Variants in TRDN observed in about 807,000 individuals in gnomAD.
TRDN encodes triadin, also known as triadin in skeletal muscle.
TRDN carries 161 observed loss-of-function variants against 149.7 expected under a neutral mutation model. The observed-to-expected ratio is 1.08, with a 90% CI of 0.95 to 1.23. The LOEUF (loss-of-function observed/expected upper bound fraction) is 1.23. Among genes scored for constraint, TRDN ranks in the 50% most tolerant of loss-of-function variants. TRDN has a pLI of 0.00. For missense variants in TRDN, 896 were observed against 823.5 expected, an observed-to-expected ratio of 1.09 and a Z score of -1.08; for synonymous variants, 294 against 250.5, an observed-to-expected ratio of 1.17 and a Z score of -1.64.
chr6:123,582,990 C>T (rs939688271), intron 1 of TRDN, among the ~76,000 whole-genome samples: 1 of 152,046 alleles, frequency 6.6e-6, no homozygotes, highest in Non-Finnish European at 1.5e-5. Context: ...GCCTGGATAA[C>T]AGTTTTGTAT....
chr6:123,542,846 G>A (rs1441822886), intron 4 of TRDN, among the ~76,000 whole-genome samples: 2 of 142,244 alleles, frequency 1.4e-5, no homozygotes, highest in African/African-American at 5.6e-5. Flanking sequence ...CTCTCTGAGT[G>A]TGTGCATGTT....
intron 9 of TRDN, among the ~76,000 whole-genome samples, chr6:123,496,387 CA>C (rs1778448349): frequency 1.3e-5 from 2 of 151,696 alleles, no homozygotes; most frequent in Admixed American, 1.3e-4. Flanking sequence ...AAGGCTTTCA[CA>C]AAAATAGTTA....
At chr6:123,350,461 T>G (rs1780420112) in intron 21 of TRDN, 1 of 557,426 alleles carries the variant, frequency 1.8e-6, no homozygotes, top group Non-Finnish European at 2.3e-6. Context: ...TTAACTATAT[T>G]TCAATGAATT....
intron 35 of TRDN, among the ~76,000 whole-genome samples, chr6:123,258,494 T>G (rs1385435404): frequency 6.6e-6 from 1 of 152,092 alleles, no homozygotes; most frequent in African/African-American, 2.4e-5. Flanking sequence ...CTGACTTGAT[T>G]GTGGTGGATA....
chr6:123,456,419 G>A (rs981499425), intron 10 of TRDN, among the ~76,000 whole-genome samples: 3 of 152,020 alleles, frequency 2.0e-5, no homozygotes, highest in Non-Finnish European at 4.4e-5. Flanking sequence ...TTTTATTCTA[G>A]TAAATTACAA....
At chr6:123,602,470 G>T (rs554489340) in intron 1 of TRDN, among the ~76,000 whole-genome samples, 7 of 152,094 alleles carry the variant, frequency 4.6e-5, no homozygotes, top group African/African-American at 1.4e-4. Context: ...ACTACATATT[G>T]GGTACAGTGT....
chr6:123,346,920 G>A (rs948062169), intron 21 of TRDN, among the ~76,000 whole-genome samples: 2 of 151,878 alleles, frequency 1.3e-5, no homozygotes, highest in African/African-American at 2.4e-5. Context: ...AGAAACACTG[G>A]CATTTGTGAT....
chr6:123,266,189 T>A (rs1776953671), intron 32 of TRDN, among the ~76,000 whole-genome samples: 2 of 85,456 alleles, frequency 2.3e-5, no homozygotes, highest in South Asian at 7.3e-4. Flanking sequence ...ATATATATTA[T>A]AATATGTATT....
intron 10 of TRDN, among the ~76,000 whole-genome samples, chr6:123,446,849 G>T (rs1583040812): frequency 6.6e-6 from 1 of 151,898 alleles, no homozygotes; most frequent in Admixed American, 6.5e-5. Flanking sequence ...ATTGGATTTT[G>T]TGATCAAATT....
In TRDN at chr6:123,403,802, C is replaced by A. The variant is rs116515375; in HGVS notation, c.1052-10125G>T. 7.3e-3 allele frequency among the ~76,000 whole-genome samples: 1,102 copies of A among 150,960 alleles called. 14 individuals carry two copies. The highest frequency in any genetic ancestry group is 0.025 in the African/African-American group (1,037 of 41,062). ...TTTTACTAAATAAAGAAAAGTTTTG[C>A]GAATCAAAATCAGAAATAAAAAAAT... On this transcript the variant is annotated intron_variant, in intron 12 of 40. Coordinates refer to ENST00000334268, the MANE Select transcript of TRDN (RefSeq NM_006073.4).
intron 10 of TRDN, among the ~76,000 whole-genome samples, chr6:123,458,550 C>T (rs1776265098): frequency 6.6e-6 from 1 of 152,182 alleles, no homozygotes; most frequent in Admixed American, 6.5e-5. Flanking sequence ...CCTGCATGCC[C>T]TGCAGATTTT....
rs115400580 is a variant in TRDN at position 123,635,002 on chromosome 6, C to A, written c.22+1752G>T. On this transcript the variant is annotated intron_variant, in intron 1 of 40. Coordinates refer to ENST00000334268, the MANE Select transcript of TRDN (RefSeq NM_006073.4). ...AATCAAGAATTTTCCTGTAAAAAGT[C>A]TTTTGAATCAAATGCAAGTTCTACA... is the stretch of plus-strand genomic sequence containing the variant. Among the ~76,000 whole-genome samples, 872 of 151,984 alleles carry A rather than the reference C, an allele frequency of 5.7e-3. 9 individuals carry two copies. Among genetic ancestry groups the A allele is most frequent in the African/African-American group, 0.018 (729 of 41,490 alleles).
intron 21 of TRDN, among the ~76,000 whole-genome samples, chr6:123,339,382 A>G (rs1489331933): frequency 1.3e-5 from 2 of 152,248 alleles, no homozygotes; most frequent in South Asian, 2.1e-4. Context: ...GGCTTACAGT[A>G]GGATAATTTT....
In TRDN at chr6:123,613,040, AATTAG is replaced by A. The variant is rs577002792; in HGVS notation, c.22+23709_22+23713del. ...AAATCAATAACTGAATACAGCATAAAATTAGATGTATCAAATAACAAGGAAAAGTA... is the reference window on the plus strand; with the variant it reads ...AAATCAATAACTGAATACAGCATAAAATGTATCAAATAACAAGGAAAAGTA... On this transcript the variant is annotated intron_variant, in intron 1 of 40. Transcript: ENST00000334268. Among the ~76,000 whole-genome samples, 17 of 152,276 alleles carry A rather than the reference AATTAG, an allele frequency of 1.1e-4. No homozygotes were observed. In the South Asian group the frequency reaches 3.5e-3, roughly 32 times the overall value.
At chr6:123,531,287 ACTTAAT>A (rs1322869472) in intron 4 of TRDN, among the ~76,000 whole-genome samples, 1 of 152,174 alleles carries the variant, frequency 6.6e-6, no homozygotes, top group East Asian at 1.9e-4. Flanking sequence ...TTGAAAAGTG[ACTTAAT>A]CTTAAATATA....
At chr6:123,485,669 T>C (rs2114781797) in intron 9 of TRDN, among the ~76,000 whole-genome samples, 1 of 152,232 alleles carries the variant, frequency 6.6e-6, no homozygotes, top group East Asian at 1.9e-4. Context: ...TAATGCTTAT[T>C]ATGGTTATTA....
At chr6:123,559,658 A>T (rs1008023230) in intron 2 of TRDN, among the ~76,000 whole-genome samples, 5 of 152,168 alleles carry the variant, frequency 3.3e-5, no homozygotes, top group Admixed American at 1.3e-4. Flanking sequence ...AAAGCCTGTT[A>T]TCTCTCGCCT....
intron 20 of TRDN, among the ~76,000 whole-genome samples, chr6:123,364,716 G>T (rs774109105): frequency 1.3e-5 from 2 of 152,222 alleles, no homozygotes; most frequent in Admixed American, 6.5e-5. Flanking sequence ...TGGACATCTT[G>T]TTGCTTTTAG....
intron 26 of TRDN, among the ~76,000 whole-genome samples, chr6:123,277,915 A>G (rs1229460276): frequency 5.9e-5 from 9 of 152,180 alleles, no homozygotes; most frequent in Admixed American, 3.9e-4. Flanking sequence ...CAGACAGTTG[A>G]GTGTTCTTTT....
Sources: allele counts gnomAD v4.1 joint callset (sites outside exome capture counted in the v4.1 genomes callset), GRCh38; gene constraint gnomAD v4.1.1; transcripts MANE v1.5; gene names NCBI Gene and HGNC (gene_info 2026-07-23, HGNC 2026-07-21).